Variants in SLC2A13 observed in about 807,000 individuals in gnomAD.
SLC2A13 encodes proton myo-inositol cotransporter.
A neutral mutation model predicts 64.4 loss-of-function variants in SLC2A13; 32 were observed. That is an observed-to-expected ratio of 0.50 (90% CI 0.37 to 0.67). SLC2A13 has a LOEUF of 0.67. Ranked by LOEUF, SLC2A13 falls within the 30% of genes least tolerant of loss-of-function variation. SLC2A13 has a pLI of 0.00. For missense variants in SLC2A13, 743 were observed against 829.2 expected, an observed-to-expected ratio of 0.90 and a Z score of 1.28; for synonymous variants, 338 against 327.1, an observed-to-expected ratio of 1.03 and a Z score of -0.36.
chr12:40,103,469 T>G (rs781527017), intron 1 of SLC2A13, among the ~76,000 whole-genome samples: 6 of 152,176 alleles, frequency 3.9e-5, no homozygotes, highest in Non-Finnish European at 7.3e-5. Flanking sequence ...TACTAAAGTA[T>G]AATACATTCT....
At chr12:39,989,465 G>A (rs962608310) in intron 3 of SLC2A13, among the ~76,000 whole-genome samples, 6 of 152,142 alleles carry the variant, frequency 3.9e-5, no homozygotes, top group Non-Finnish European at 7.3e-5. Context: ...TTTAAGGCAG[G>A]CTTCCTTTCA....
Position 39,764,624 on chromosome 12 carries a change from AACATT to A in SLC2A13, c.1568-17_1568-13del. On this transcript the variant is annotated splice_polypyrimidine_tract_variant and intron_variant, in intron 8 of 9. Coordinates refer to ENST00000280871, the MANE Select transcript of SLC2A13 (RefSeq NM_052885.4). ...CATTGGTCCCATTCCTGAGAAATAA[AACATT>A]AAAAACTTTAGTAAAATAGCATGTA... is the stretch of plus-strand genomic sequence containing the variant. The A allele has an allele frequency of 6.3e-7, 1 of 1,581,544 alleles. No homozygotes were observed. The highest frequency in any genetic ancestry group is 8.6e-7 in the Non-Finnish European group (1 of 1,169,574).
chr12:40,073,708 A>G (rs968082327), intron 1 of SLC2A13, among the ~76,000 whole-genome samples: 1 of 151,532 alleles, frequency 6.6e-6, no homozygotes, highest in African/African-American at 2.4e-5. Context: ...ATTTCACTCC[A>G]CTCTCTTCTT....
chr12:39,957,279 G>A (rs931144961), intron 3 of SLC2A13, among the ~76,000 whole-genome samples: 2 of 152,148 alleles, frequency 1.3e-5, no homozygotes, highest in Non-Finnish European at 2.9e-5. Context: ...TTTAGAGAGA[G>A]AACTTGGGCC....
intron 3 of SLC2A13, among the ~76,000 whole-genome samples, chr12:39,978,591 AC>A (rs1427944829): frequency 6.6e-6 from 1 of 152,150 alleles, no homozygotes; most frequent in Non-Finnish European, 1.5e-5. Flanking sequence ...GGTCACTCCC[AC>A]CCGAATATGG....
At chr12:39,934,681 T>C (rs1945887563) in intron 4 of SLC2A13, among the ~76,000 whole-genome samples, 2 of 152,356 alleles carry the variant, frequency 1.3e-5, no homozygotes, top group Non-Finnish European at 2.9e-5. Context: ...GTTAATTCTA[T>C]GCTGGAAACT....
intron 3 of SLC2A13, among the ~76,000 whole-genome samples, chr12:40,027,858 ATCT>A (rs1947841920): frequency 6.6e-6 from 1 of 152,166 alleles, no homozygotes; most frequent in South Asian, 2.1e-4. Context: ...TCTATGTGAA[ATCT>A]TCTTCAAAAA....
At chr12:39,815,481 T>G (rs1233142437) in intron 7 of SLC2A13, among the ~76,000 whole-genome samples, 1 of 152,196 alleles carries the variant, frequency 6.6e-6, no homozygotes, top group East Asian at 1.9e-4. Context: ...TTTCACCTAT[T>G]ACTATCCTTT....
chr12:39,781,021 T>C (rs1467040834), intron 7 of SLC2A13, among the ~76,000 whole-genome samples: 1 of 152,124 alleles, frequency 6.6e-6, no homozygotes, highest in East Asian at 1.9e-4. Flanking sequence ...AGTTTCACAA[T>C]ATTTCATCTC....
intron 7 of SLC2A13, among the ~76,000 whole-genome samples, chr12:39,828,846 A>G (rs1942766964): frequency 6.6e-6 from 1 of 152,154 alleles, no homozygotes; most frequent in South Asian, 2.1e-4. Context: ...AGTATTTTTA[A>G]AAGAAACTCT....
At chr12:39,829,768 G>T in intron 7 of SLC2A13, 2 of 264,510 alleles carry the variant, frequency 7.6e-6, no homozygotes, top group Non-Finnish European at 7.4e-6. Context: ...AAAAGCTTGG[G>T]AGTTTGGAAA....
chr12:40,062,736 T>C (rs972013578), intron 1 of SLC2A13, among the ~76,000 whole-genome samples: 23 of 152,150 alleles, frequency 1.5e-4, no homozygotes, highest in African/African-American at 5.5e-4. Flanking sequence ...ATTAAAGTTG[T>C]AGGAGAAAAT....
intron 5 of SLC2A13, 93 bp from the exon 6 acceptor site, chr12:39,864,975 A>G: frequency 8.5e-7 from 1 of 1,180,022 alleles, no homozygotes. Context: ...AAACAAAGAA[A>G]CAAACAAAAA....
rs367970355 is a variant in SLC2A13 at position 39,901,905 on chromosome 12, C to A, written c.1035-29944G>T. Among the ~76,000 whole-genome samples, 124 of 151,734 alleles carry A rather than the reference C, an allele frequency of 8.2e-4. No homozygotes were observed. In the South Asian group the frequency reaches 0.017, roughly 21 times the overall value. On this transcript the variant is annotated intron_variant, in intron 4 of 9. Coordinates refer to ENST00000280871, the MANE Select transcript of SLC2A13 (RefSeq NM_052885.4). ...GACACATGCACACGTATGTTTATTGCGGCATTATTCCCAATAGCAAAGACT... is the reference window on the plus strand; with the variant it reads ...GACACATGCACACGTATGTTTATTGAGGCATTATTCCCAATAGCAAAGACT...
intron 6 of SLC2A13, among the ~76,000 whole-genome samples, chr12:39,857,029 C>T (rs908192259): frequency 6.6e-6 from 1 of 152,158 alleles, no homozygotes; most frequent in Non-Finnish European, 1.5e-5. Flanking sequence ...AGTGGATTTA[C>T]TTGAAACAGG....
At chr12:39,795,257 A>G (rs1358081148) in intron 7 of SLC2A13, among the ~76,000 whole-genome samples, 2 of 151,806 alleles carry the variant, frequency 1.3e-5, no homozygotes, top group Non-Finnish European at 2.9e-5. Flanking sequence ...CATTCAGGAA[A>G]CATTTTCATA....
intron 3 of SLC2A13, among the ~76,000 whole-genome samples, chr12:39,959,456 TGTTAATCTGGTCATTATTATTC>T (rs1168089243): frequency 2.0e-5 from 3 of 152,258 alleles, no homozygotes. Context: ...GCAATGACTG[TGTTAATCTGGTCATTATTATTC>T]CAGGTTGCTA....
intron 7 of SLC2A13, among the ~76,000 whole-genome samples, chr12:39,782,890 C>T (rs11173553): frequency 0.14 from 20,627 of 152,078 alleles, 1,680 homozygotes; most frequent in East Asian, 0.39. Context: ...ATTTTTTATA[C>T]TTTAAGTTCT....
intron 6 of SLC2A13, among the ~76,000 whole-genome samples, chr12:39,851,182 G>C (rs1566863800): frequency 6.6e-6 from 1 of 152,136 alleles, no homozygotes; most frequent in Admixed American, 6.6e-5. Flanking sequence ...TTACAGGCAT[G>C]AGTCACCGTG....
Sources: allele counts gnomAD v4.1 joint callset (sites outside exome capture counted in the v4.1 genomes callset), GRCh38; gene constraint gnomAD v4.1.1; transcripts MANE v1.5; gene names NCBI Gene and HGNC (gene_info 2026-07-23, HGNC 2026-07-21).